CNBD1: variants seen among roughly 807,000 people sequenced by gnomAD.
The protein encoded by CNBD1 is cyclic nucleotide binding domain containing 1.
A neutral mutation model predicts 54.4 loss-of-function variants in CNBD1; 71 were observed. The ratio of observed to expected loss-of-function variants is 1.30; its 90% confidence interval spans 1.08 to 1.59. The LOEUF is 1.59. Among genes scored for constraint, CNBD1 ranks in the 40% most tolerant of loss-of-function variants. The pLI is 0.00. For synonymous variants in CNBD1, 182 were observed against 170.7 expected (o/e 1.07, Z -0.51); for missense variants, 659 against 518.0 (o/e 1.27, Z -2.64).
intron 8 of CNBD1, among the ~76,000 whole-genome samples, chr8:87,317,815 C>G (rs1424854270): frequency 6.6e-6 from 1 of 151,932 alleles, no homozygotes. Flanking sequence ...TGAGTACACT[C>G]TAAATACATA....
rs1357279815 is a variant in CNBD1, at chr8:87,220,904, A to G, written c.577+14766A>G. 4.6e-5 allele frequency among the ~76,000 whole-genome samples: 7 copies of G among 152,204 alleles called. No individual in the cohort carries two copies. In the East Asian group the frequency reaches 5.8e-4, roughly 13 times the overall value. Reference sequence around the variant, plus strand: ...CAAATGATCAGAAATATATCATCCCAGTGTTACATGAGAATGCCACTATTG... The same window carrying G: ...CAAATGATCAGAAATATATCATCCCGGTGTTACATGAGAATGCCACTATTG... On this transcript the variant is annotated intron_variant, in intron 5 of 10. Transcript: ENST00000518476.
At chr8:87,361,284 G>A (rs1810519804) in intron 10 of CNBD1, among the ~76,000 whole-genome samples, 1 of 151,842 alleles carries the variant, frequency 6.6e-6, no homozygotes, top group South Asian at 2.1e-4. Flanking sequence ...TGAGTGAAAT[G>A]TTTTTTGAGG....
intron 8 of CNBD1, among the ~76,000 whole-genome samples, chr8:87,333,904 C>T (rs1033570429): frequency 1.3e-5 from 2 of 152,066 alleles, no homozygotes; most frequent in Non-Finnish European, 2.9e-5. Flanking sequence ...GGGAGGAGTC[C>T]CTCCTTTTCA....
rs536392033 is a variant in CNBD1 at position 86,900,111 on chromosome 8, C to CA, written c.159-4969dup. Among the ~76,000 whole-genome samples, 534 of 152,244 alleles carry CA rather than the reference C, an allele frequency of 3.5e-3. 5 individuals carry two copies. The highest frequency in any genetic ancestry group is 0.012 in the African/African-American group (506 of 41,532). ...TTGTTATGCAGGATATGTGCAACAA[C>CA]AGGGCTCTTTAGAGAATTAAGACTG... On this transcript the variant is annotated intron_variant, in intron 2 of 10. Coordinates refer to ENST00000518476, the MANE Select transcript of CNBD1 (RefSeq NM_173538.3).
At chr8:87,250,784 A>T (rs1471622445) in intron 6 of CNBD1, among the ~76,000 whole-genome samples, 2 of 152,204 alleles carry the variant, frequency 1.3e-5, no homozygotes, top group East Asian at 3.8e-4. Context: ...AACTGAACTC[A>T]TGGAGATAGT....
In CNBD1 at chr8:87,300,116, A is replaced by C. The variant is rs116866774; in HGVS notation, c.1042+13445A>C. ...TATGCAAATCAGTTATCCATAAGTC[A>C]GCATCACTTGCAGTTTAAAAAATAT... On this transcript the variant is annotated intron_variant, in intron 8 of 10. Transcript: ENST00000518476. 9.4e-3 allele frequency among the ~76,000 whole-genome samples: 1,427 copies of C among 152,356 alleles called. 12 individuals carry two copies. The highest frequency in any genetic ancestry group is 0.014 in the Non-Finnish European group (975 of 68,040).
rs1253423081 is a variant in CNBD1 at position 86,898,112 on chromosome 8, CA to C, written c.159-6968del. On this transcript the variant is annotated intron_variant, in intron 2 of 10. Transcript: ENST00000518476. Reference sequence around the variant, plus strand: ...TTGTGGATGGGAAAAAAGTAAGTTGCAGATAGATTTTATAATATGGTATATC... The same window carrying C: ...TTGTGGATGGGAAAAAAGTAAGTTGCGATAGATTTTATAATATGGTATATC... 2.0e-5 allele frequency among the ~76,000 whole-genome samples: 3 copies of C among 152,164 alleles called. No individual in the cohort carries two copies. In the East Asian group the frequency reaches 5.8e-4, roughly 29 times the overall value.
chr8:87,368,405 G>A (rs954053017), intron 10 of CNBD1, among the ~76,000 whole-genome samples: 1 of 152,036 alleles, frequency 6.6e-6, no homozygotes, highest in Non-Finnish European at 1.5e-5. Flanking sequence ...GGAGGCTGAA[G>A]TGAGAGGACT....
chr8:87,375,077 A>T lies in CNBD1; in HGVS notation c.1304-7543A>T, dbSNP rs542453864. 7.2e-5 allele frequency among the ~76,000 whole-genome samples: 11 copies of T among 152,060 alleles called. No homozygotes were observed. In the South Asian group the frequency reaches 2.3e-3, roughly 31 times the overall value. ...AAATCTTCCACTCAAAAATAATTAT[A>T]CAGTACATTTAGAAATGAAAATATA... On this transcript the variant is annotated intron_variant, in intron 10 of 10. Coordinates refer to ENST00000518476, the MANE Select transcript of CNBD1 (RefSeq NM_173538.3).
intron 4 of CNBD1, among the ~76,000 whole-genome samples, chr8:87,075,651 A>G (rs1194435960): frequency 2.6e-5 from 4 of 152,268 alleles, no homozygotes; most frequent in Non-Finnish European, 5.9e-5. Context: ...CTCTTTGGCC[A>G]TAGCACCTGA....
At chr8:87,085,925 T>A (rs895258017) in intron 4 of CNBD1, among the ~76,000 whole-genome samples, 1 of 152,150 alleles carries the variant, frequency 6.6e-6, no homozygotes, top group African/African-American at 2.4e-5. Context: ...TTTGCAGTTG[T>A]AATGGGTCCC....
intron 4 of CNBD1, among the ~76,000 whole-genome samples, chr8:86,967,717 A>G (rs1400626218): frequency 6.6e-6 from 1 of 151,856 alleles, no homozygotes; most frequent in East Asian, 1.9e-4. Context: ...GGCCATTAGC[A>G]TAGTAATCAT....
chr8:87,383,164 T>A (rs1460324298), downstream of CNBD1, among the ~76,000 whole-genome samples: 4 of 152,088 alleles, frequency 2.6e-5, no homozygotes, highest in Non-Finnish European at 4.4e-5. Context: ...ATATTCCATT[T>A]TGTAATAAAG....
intron 4 of CNBD1, among the ~76,000 whole-genome samples, chr8:87,013,632 G>GT (rs1424247744): frequency 7.0e-6 from 1 of 143,258 alleles, no homozygotes; most frequent in Non-Finnish European, 1.5e-5. Context: ...TTTGTTTTTT[G>GT]TTTTTTGTTT....
At chr8:87,116,494 A>G (rs1015757362) in intron 4 of CNBD1, among the ~76,000 whole-genome samples, 3 of 152,266 alleles carry the variant, frequency 2.0e-5, no homozygotes, top group South Asian at 4.1e-4. Flanking sequence ...GATTACAGGC[A>G]TAAGCCACTG....
intron 4 of CNBD1, among the ~76,000 whole-genome samples, chr8:87,184,701 CT>C (rs1294877659): frequency 6.6e-6 from 1 of 152,062 alleles, no homozygotes; most frequent in Non-Finnish European, 1.5e-5. Context: ...GGCAACCTAA[CT>C]TCCTCCCCTT....
intron 2 of CNBD1, among the ~76,000 whole-genome samples, chr8:87,410,434 T>C (rs1416593427): frequency 1.3e-5 from 2 of 152,136 alleles, no homozygotes; most frequent in Non-Finnish European, 1.5e-5. Flanking sequence ...GAGGCTGATA[T>C]GTCAACATTA....
At chr8:87,208,433 TTA>T (rs1814024441) in intron 5 of CNBD1, among the ~76,000 whole-genome samples, 1 of 151,842 alleles carries the variant, frequency 6.6e-6, no homozygotes, top group South Asian at 2.1e-4. Context: ...ATATGAGTAC[TTA>T]TATTAAAATT....
At chr8:87,273,679 T>A (rs1033659544) in intron 6 of CNBD1, among the ~76,000 whole-genome samples, 2 of 152,042 alleles carry the variant, frequency 1.3e-5, no homozygotes, top group African/African-American at 2.4e-5. Flanking sequence ...TCTTTGCTGA[T>A]CCACTCCTTT....
Sources: allele counts gnomAD v4.1 joint callset (sites outside exome capture counted in the v4.1 genomes callset), GRCh38; gene constraint gnomAD v4.1.1; transcripts MANE v1.5; gene names NCBI Gene and HGNC (gene_info 2026-07-23, HGNC 2026-07-21).